Variants in ST7 observed in about 807,000 individuals in gnomAD.
ST7 encodes suppressor of tumorigenicity 7 protein.
In ST7, 28 loss-of-function variants were observed where a neutral mutation model predicts 78.7. That is an observed-to-expected ratio of 0.36 (90% CI 0.26 to 0.49). The LOEUF is 0.49. Ranked by LOEUF, ST7 falls within the 20% of genes least tolerant of loss-of-function variation. ST7 has a pLI of 0.99. For synonymous variants in ST7, 247 were observed against 249.6 expected, an observed-to-expected ratio of 0.99 and a Z score of 0.10; for missense variants, 418 against 696.0, an observed-to-expected ratio of 0.60 and a Z score of 4.49.
At chr7:117,109,313 T>C (rs1223373467) in intron 2 of ST7, among the ~76,000 whole-genome samples, 1 of 149,504 alleles carries the variant, frequency 6.7e-6, no homozygotes, top group East Asian at 2.0e-4. Flanking sequence ...TGATAGACCA[T>C]TGGTGAGATT....
At chr7:117,116,409 G>T (rs964556319) in intron 2 of ST7, among the ~76,000 whole-genome samples, 1 of 152,134 alleles carries the variant, frequency 6.6e-6, no homozygotes, top group Admixed American at 6.6e-5. Context: ...CACCAAATAT[G>T]TGCGCATTAA....
chr7:117,146,317 G>C (rs531763845), intron 9 of ST7: 38 of 152,420 alleles, frequency 2.5e-4, no homozygotes, highest in African/African-American at 8.9e-4. Context: ...TGAGGCAGCA[G>C]TATGTCTGGA....
intron 9 of ST7, among the ~76,000 whole-genome samples, chr7:117,158,731 G>A (rs562524956): frequency 3.2e-4 from 48 of 152,258 alleles, no homozygotes; most frequent in South Asian, 6.2e-4. Flanking sequence ...GTGGGCCTCT[G>A]AGGACTCTGG....
At chr7:117,051,650 G>A (rs1240564745) in intron 1 of ST7, among the ~76,000 whole-genome samples, 2 of 152,176 alleles carry the variant, frequency 1.3e-5, no homozygotes, top group South Asian at 2.1e-4. Flanking sequence ...GCAGGAGGCC[G>A]CTAGGAAGTC....
chr7:117,048,961 C>T (rs535278299), intron 1 of ST7, among the ~76,000 whole-genome samples: 94 of 152,198 alleles, frequency 6.2e-4, no homozygotes, highest in Admixed American at 7.2e-4. Context: ...TGTCCAATAT[C>T]GAAAGAACTT....
chr7:116,984,445 C>T lies in ST7; in HGVS notation c.151+30754C>T, dbSNP rs547900962. Among the ~76,000 whole-genome samples the T allele has an allele frequency of 3.3e-5, 5 of 152,148 alleles. No homozygotes were observed. In the East Asian group the frequency reaches 9.6e-4, roughly 29 times the overall value. On this transcript the variant is annotated intron_variant, in intron 1 of 15. Transcript: ENST00000323984. ...TATACAATAGCGCATCTCTCTTTTCCATGTTGGGGTCGGTTACGTGTGCCC... is the reference window on the plus strand; with the variant it reads ...TATACAATAGCGCATCTCTCTTTTCTATGTTGGGGTCGGTTACGTGTGCCC...
chr7:117,010,152 G>T lies in ST7; in HGVS notation c.151+56461G>T, dbSNP rs1795329953. Among the ~76,000 whole-genome samples, 3 of 152,198 alleles carry T rather than the reference G, an allele frequency of 2.0e-5. No individual in the cohort carries two copies. In the South Asian group the frequency reaches 6.2e-4, roughly 31 times the overall value. On this transcript the variant is annotated intron_variant, in intron 1 of 15. Coordinates refer to ENST00000323984, the MANE Select transcript of ST7 (RefSeq NM_001369598.1). Reference sequence around the variant, plus strand: ...TTGCCTTGGTTCTAGGTTCTAGGTAGCTAGTAACTAGTCTGGTTAGTGCCA... The same window carrying T: ...TTGCCTTGGTTCTAGGTTCTAGGTATCTAGTAACTAGTCTGGTTAGTGCCA...
chr7:116,968,608 GGA>G (rs896307955), intron 1 of ST7: 1 of 235,890 alleles, frequency 4.2e-6, no homozygotes, highest in Non-Finnish European at 9.0e-6. Flanking sequence ...CGGGTGTAGA[GGA>G]ATGGAATGAT....
intron 13 of ST7, among the ~76,000 whole-genome samples, chr7:117,210,238 C>A (rs1475104916): frequency 6.6e-6 from 1 of 152,170 alleles, no homozygotes; most frequent in African/African-American, 2.4e-5. Flanking sequence ...ACTTGGACAG[C>A]CCCACAGCAT....
chr7:117,113,999 G>A (rs1249654869), intron 2 of ST7, among the ~76,000 whole-genome samples: 1 of 152,174 alleles, frequency 6.6e-6, no homozygotes, highest in African/African-American at 2.4e-5. Context: ...ATGGACCATT[G>A]GCTGTTGACC....
rs1439315434 is a variant in ST7, at chr7:117,190,230, C to CAGGG, written c.1152-604_1152-603insAGGG. On this transcript the variant is annotated intron_variant, in intron 11 of 15. Transcript: ENST00000323984. The surrounding 1 kb of genome is among the most constrained non-coding windows in gnomAD (Gnocchi z 5.2). The stretch of plus-strand genomic sequence containing the variant: ...GTCACAGCTTCCCCTGTGGTGTCTG[C>CAGGG]CTGCCAAGCACAGCTCTGGAGTTAG... 1.2e-5 allele frequency: 2 copies of CAGGG among 167,266 alleles called. No individual in the cohort carries two copies. The highest frequency in any genetic ancestry group is 3.8e-4 in the East Asian group (2 of 5,196). The allele number at this position is 167,266 out of a possible 1,614,324, so 10.4% of individuals were successfully genotyped here. A position where few individuals can be genotyped will look rare whatever the true frequency, so the allele number is the denominator to read the frequency against.
At chr7:117,168,965 TATAATA>T (rs1203821397) in intron 9 of ST7, among the ~76,000 whole-genome samples, 1 of 152,196 alleles carries the variant, frequency 6.6e-6, no homozygotes, top group Non-Finnish European at 1.5e-5. Flanking sequence ...GTTGTTATGT[TATAATA>T]GATAGCAGTT....
chr7:117,050,198 G>C (rs1484148170), intron 1 of ST7, among the ~76,000 whole-genome samples: 2 of 149,560 alleles, frequency 1.3e-5, no homozygotes, highest in Non-Finnish European at 3.0e-5. Flanking sequence ...CTGGGCGACA[G>C]AGTGAGACTC....
intron 1 of ST7, among the ~76,000 whole-genome samples, chr7:116,983,682 C>T (rs1266539869): frequency 6.6e-6 from 1 of 152,124 alleles, no homozygotes; most frequent in African/African-American, 2.4e-5. Context: ...CTTGCTGAGT[C>T]TCAGTGCCGC....
chr7:116,954,497 C>T (rs1432544375), intron 1 of ST7: 1 of 152,204 alleles, frequency 6.6e-6, no homozygotes. Context: ...GCCTCCCATC[C>T]TTGGTCGGTG....
chr7:117,078,346 A>T (rs1004670455), intron 1 of ST7, among the ~76,000 whole-genome samples: 1 of 152,272 alleles, frequency 6.6e-6, no homozygotes, highest in Non-Finnish European at 1.5e-5. Flanking sequence ...AAAAACTATA[A>T]TTATGTTTTT....
intron 1 of ST7, among the ~76,000 whole-genome samples, chr7:116,990,324 C>T (rs1794369671): frequency 6.6e-6 from 1 of 152,018 alleles, no homozygotes; most frequent in Non-Finnish European, 1.5e-5. Context: ...CCTCTTTATC[C>T]TGCTTGGACC....
At chr7:117,116,783 C>T (rs760966079) in intron 2 of ST7, among the ~76,000 whole-genome samples, 6 of 152,146 alleles carry the variant, frequency 3.9e-5, no homozygotes, top group Admixed American at 1.3e-4. Flanking sequence ...CCAGTCTTTA[C>T]TGAGGTCTAT....
chr7:117,199,675 A>G (rs1810634844), intron 12 of ST7, among the ~76,000 whole-genome samples: 1 of 152,170 alleles, frequency 6.6e-6, no homozygotes, highest in Non-Finnish European at 1.5e-5. Context: ...ATTGAGCACT[A>G]ATTATGTGCC....
Sources: gnomAD v4.1 joint callset for allele counts (sites outside exome capture counted in the v4.1 genomes callset) on GRCh38, gnomAD v4.1.1 for gene constraint, Gnocchi (gnomAD v3.1) non-coding constraint, MANE v1.5 for transcripts, NCBI Gene and HGNC (gene_info 2026-07-23, HGNC 2026-07-21) for gene names.